Variants in SOCS7 observed in about 807,000 individuals in gnomAD.
SOCS7 encodes the protein suppressor of cytokine signaling 7.
Under a neutral mutation model 58.9 loss-of-function variants are expected in SOCS7, and 18 were observed. The ratio of observed to expected loss-of-function variants is 0.31; its 90% CI spans 0.21 to 0.45. SOCS7 has a LOEUF of 0.45. Ranked by LOEUF, SOCS7 falls within the 20% of genes least tolerant of loss-of-function variation. The pLI is 1.00. For missense variants in SOCS7, 667 were observed against 837.3 expected (o/e 0.80, Z 2.51); for synonymous variants, 388 against 364.3 (o/e 1.06, Z -0.74).
At chr17:38,375,256 A>G (rs993623410) in intron 6 of SOCS7, among the ~76,000 whole-genome samples, 1 of 152,054 alleles carries the variant, frequency 6.6e-6, no homozygotes, top group Non-Finnish European at 1.5e-5. Context: ...TTTATACCAC[A>G]TGTGCCTTCC....
intron 6 of SOCS7, 83 bp downstream of exon 6, chr17:38,368,133 A>T (rs766285056): frequency 5.5e-6 from 7 of 1,272,524 alleles, no homozygotes; most frequent in Non-Finnish European, 7.7e-6. Context: ...GAAGAGATTC[A>T]TAGGAATGGA....
chr17:38,382,846 T>G (rs1360162913), intron 7 of SOCS7, among the ~76,000 whole-genome samples: 1 of 152,150 alleles, frequency 6.6e-6, no homozygotes, highest in Non-Finnish European at 1.5e-5. Context: ...TTGTTAAGTT[T>G]ATAATTACTT....
chr17:38,358,780 A>G (rs1555567174), intron 1 of SOCS7, among the ~76,000 whole-genome samples: 7 of 152,174 alleles, frequency 4.6e-5, no homozygotes, highest in Non-Finnish European at 1.0e-4. Context: ...CCAAGCATCC[A>G]GCCATGAGGC....
chr17:38,382,023 G>A (rs1056126865), intron 7 of SOCS7, among the ~76,000 whole-genome samples: 21 of 148,390 alleles, frequency 1.4e-4, no homozygotes, highest in Non-Finnish European at 2.5e-4. Flanking sequence ...GAGTGTGACT[G>A]ATGTCACACA....
At chr17:38,373,331 GT>G (rs1228492124) in intron 6 of SOCS7, among the ~76,000 whole-genome samples, 1 of 152,156 alleles carries the variant, frequency 6.6e-6, no homozygotes, top group Non-Finnish European at 1.5e-5. Flanking sequence ...CAGCAGACAG[GT>G]TCCCAGACAC....
chr17:38,357,759 G>T (rs1269847375), intron 1 of SOCS7, among the ~76,000 whole-genome samples: 2 of 152,196 alleles, frequency 1.3e-5, no homozygotes, highest in Non-Finnish European at 2.9e-5. Context: ...TCTGGTATTT[G>T]GACATCCTAG....
chr17:38,352,197 C>T lies in SOCS7; in HGVS notation c.145C>T (p.Pro49Ser). The T allele has an allele frequency of 7.6e-7, 1 of 1,321,128 alleles. No homozygotes were observed. Among genetic ancestry groups the T allele is most frequent in the South Asian group, 2.2e-5 (1 of 46,300 alleles). The allele number at this position is 1,321,128 out of a possible 1,614,324, so 81.8% of individuals were successfully genotyped here. A position where few individuals can be genotyped will look rare whatever the true frequency, so the allele number is the denominator to read the frequency against. The change falls in exon 1 of 10, where the codon CCC (proline) becomes TCC (serine). Residue 49 changes from proline to serine, a missense_variant. Around this residue, in one of 9 missense-constraint regions of SOCS7, gnomAD observed 65 missense variants for 51.0 expected, o/e 1.27. Coordinates refer to ENST00000612932, the MANE Select transcript of SOCS7 (RefSeq NM_014598.4). This position sits in a 1 kb window ranked among gnomAD's most constrained non-coding sequence, Gnocchi z 5.5. ...CCCGGGCCATGGCCCCCCGCCGCCA[C>T]CCTTCCTCGCGCGGCCCGGCCCGCG... ...PPPGHGPPPP[P>S]FLARPGPRGS...
Position 38,352,933 on chromosome 17 carries a change from G to A in SOCS7, c.881G>A (p.Gly294Glu). The A allele has an allele frequency of 6.2e-7, 1 of 1,607,952 alleles. No homozygotes were observed. Among genetic ancestry groups the A allele is most frequent in the Non-Finnish European group, 8.5e-7 (1 of 1,178,466 alleles). ...TKSCNGGSGGGDGTGKRPSGE... is the reference protein window; with the variant it reads ...TKSCNGGSGGEDGTGKRPSGE... ...AGCTGCAACGGTGGCTCCGGCGGTG[G>A]GGATGGGACCGGCAAGAGGCCTTCT... Residue 294 changes from glycine to glutamate, a missense_variant, in exon 1 of 10, where the codon GGG becomes GAG. Physicochemically the swap from Gly to Glu is moderately conservative, Grantham distance 98. This residue lies in a region of SOCS7 where 208 missense variants were observed against 190.3 expected (regional missense o/e 1.09). Coordinates refer to ENST00000612932, the MANE Select transcript of SOCS7 (RefSeq NM_014598.4). The surrounding 1 kb of genome is among the most constrained non-coding windows in gnomAD (Gnocchi z 5.5).
In SOCS7 at chr17:38,352,472, C is replaced by T. The variant is rs918445588; in HGVS notation, c.420C>T (p.Val140=). 1.3e-6 allele frequency: 2 copies of T among 1,514,406 alleles called. No homozygotes were observed. Among genetic ancestry groups the T allele is most frequent in the Non-Finnish European group, 8.8e-7 (1 of 1,130,630 alleles). The allele number at this position is 1,514,406 out of a possible 1,614,324, so 93.8% of individuals were successfully genotyped here. ...GQPAGPGVKT[V]GGGCCPCPCP... is the part of the protein sequence containing the mutation. ...CGGCGGGGCCGGGGGTCAAGACAGT[C>T]GGTGGGGGTTGCTGCCCGTGTCCGT... The change falls in exon 1 of 10, where the codon GTC becomes GTT. Residue 140 remains valine, a synonymous_variant. Coordinates refer to ENST00000612932, the MANE Select transcript of SOCS7 (RefSeq NM_014598.4). This position sits in a 1 kb window ranked among gnomAD's most constrained non-coding sequence, Gnocchi z 5.5.
intron 9 of SOCS7, among the ~76,000 whole-genome samples, chr17:38,397,595 T>A (rs1044741889): frequency 7.9e-5 from 12 of 152,240 alleles, no homozygotes; most frequent in Non-Finnish European, 5.9e-5. Flanking sequence ...TACAAGAACC[T>A]TTTTAACAGA....
chr17:38,377,742 G>A lies in SOCS7; in HGVS notation c.1581G>A (p.Lys527=), dbSNP rs752226648. The part of the protein sequence containing the change: ...RGTFSLWCHP[K]FEDRCQSVVE... Reference sequence around the variant, plus strand: ...CCTTCAGCCTGTGGTGTCATCCCAAGTTTGAGGACCGCTGTCAATCTGTTG... The same window carrying A: ...CCTTCAGCCTGTGGTGTCATCCCAAATTTGAGGACCGCTGTCAATCTGTTG... Residue 527 remains lysine, a synonymous_variant, in exon 7 of 10, where the codon AAG becomes AAA. Transcript: ENST00000612932. 41 of 1,612,484 alleles carry A rather than the reference G, an allele frequency of 2.5e-5. 1 individual carries two copies. In the South Asian group the frequency reaches 4.4e-4, roughly 17 times the overall value.
intron 4 of SOCS7, chr17:38,365,848 G>A (rs2037782112): frequency 3.1e-6 from 1 of 324,060 alleles, no homozygotes; most frequent in African/African-American, 2.2e-5. Flanking sequence ...CCAGCTTACA[G>A]TACCCAAGGA....
chr17:38,398,967 G>A (rs1192586652), intron 9 of SOCS7, among the ~76,000 whole-genome samples: 2 of 152,018 alleles, frequency 1.3e-5, no homozygotes, highest in East Asian at 1.9e-4. Flanking sequence ...GCGCATGCCT[G>A]TAATCCCAGC....
At chr17:38,375,362 G>A (rs1200141118) in intron 6 of SOCS7, among the ~76,000 whole-genome samples, 3 of 151,096 alleles carry the variant, frequency 2.0e-5, no homozygotes, top group Admixed American at 2.0e-4. Flanking sequence ...CAGTCTATTT[G>A]GTTTGAAAAC....
In SOCS7 at chr17:38,352,219, CG is replaced by C; in HGVS notation, c.168del (p.Arg57GlyfsTer8). On this transcript the variant is annotated frameshift_variant, in exon 1 of 10. Transcript: ENST00000612932. LOFTEE classifies it high-confidence loss of function. This position sits in a 1 kb window ranked among gnomAD's most constrained non-coding sequence, Gnocchi z 5.5. Reference sequence around the variant, plus strand: ...CCACCCTTCCTCGCGCGGCCCGGCCCGCGGGGCTCCCGGCCGCCGCAGCTGA... The same window carrying C: ...CCACCCTTCCTCGCGCGGCCCGGCCCCGGGGCTCCCGGCCGCCGCAGCTGA... Reference protein sequence around the residue: ...PPPPFLARPGPRGSRPPQLMV... With the variant: ...PPPPFLARPGXRGSRPPQLMV... 7.3e-7 allele frequency: 1 copy of C among 1,361,314 alleles called. No individual in the cohort carries two copies. The highest frequency in any genetic ancestry group is 1.8e-5 in the South Asian group (1 of 55,366). 84.3% of individuals were successfully genotyped at this position (1,361,314 alleles called of 1,614,324 possible).
chr17:38,364,963 C>T (rs963806191), intron 3 of SOCS7, 107 bp downstream of exon 3: 1 of 782,222 alleles, frequency 1.3e-6, no homozygotes. Flanking sequence ...GATGATGACT[C>T]AATTATTTCC....
Position 38,359,197 on chromosome 17 carries a change from G to A in SOCS7, c.981-2514G>A, listed in dbSNP as rs111817342. On this transcript the variant is annotated intron_variant, in intron 1 of 9. Coordinates refer to ENST00000612932, the MANE Select transcript of SOCS7 (RefSeq NM_014598.4). ...GCAGTCCTAAAGTTCATGTCCAGTG[G>A]AATTAACATTGCATTCCATTCCTCT... Among the ~76,000 whole-genome samples the A allele has an allele frequency of 2.9e-3, 439 of 152,328 alleles. 5 individuals carry two copies. The highest frequency in any genetic ancestry group is 0.01 in the African/African-American group (425 of 41,558).
intron 6 of SOCS7, among the ~76,000 whole-genome samples, chr17:38,376,807 T>C (rs2037937623): frequency 6.6e-6 from 1 of 152,136 alleles, no homozygotes; most frequent in Non-Finnish European, 1.5e-5. Context: ...GTGTACACAG[T>C]CATACACTGT....
At chr17:38,365,875 C>A in intron 4 of SOCS7, 1 of 493,230 alleles carries the variant, frequency 2.0e-6, no homozygotes, top group Non-Finnish European at 2.7e-6. Context: ...TGAATGAAAT[C>A]AGCATTCTTT....
Sources: gnomAD v4.1 joint callset for allele counts (sites outside exome capture counted in the v4.1 genomes callset) on GRCh38, gnomAD v4.1.1 for gene constraint, gnomAD v4.1.1 regional missense constraint, Gnocchi (gnomAD v3.1) non-coding constraint, MANE v1.5 for transcripts, NCBI Gene and HGNC (gene_info 2026-07-23, HGNC 2026-07-21) for gene names.